PBRM1: variants seen among roughly 807,000 people sequenced by gnomAD.
PBRM1 encodes the protein protein polybromo-1.
In PBRM1, 27 loss-of-function variants were observed where a neutral mutation model predicts 194.5. That is an observed-to-expected ratio of 0.14 (90% CI 0.10 to 0.19). PBRM1 has a LOEUF of 0.19. PBRM1 is among the 10% of genes least tolerant of loss of function. The pLI is 1.00. For missense variants in PBRM1, 1,466 were observed against 2,077.2 expected (o/e 0.71, Z 5.72); for synonymous variants, 655 against 693.2 (o/e 0.94, Z 0.87).
At chr3:52,618,959 G>C (rs2095128864) in intron 13 of PBRM1, among the ~76,000 whole-genome samples, 1 of 152,196 alleles carries the variant, frequency 6.6e-6, no homozygotes, top group African/African-American at 2.4e-5. Context: ...ATGTTGGTCA[G>C]GCTAGTCTCG....
intron 17 of PBRM1, among the ~76,000 whole-genome samples, chr3:52,601,306 AT>A (rs2093976330): frequency 6.6e-6 from 1 of 152,186 alleles, no homozygotes; most frequent in Non-Finnish European, 1.5e-5. Flanking sequence ...TTCGTGGAAG[AT>A]AATTTTTCCA....
chr3:52,581,063 C>T (rs1230882907), intron 20 of PBRM1, among the ~76,000 whole-genome samples: 1 of 152,178 alleles, frequency 6.6e-6, no homozygotes, highest in African/African-American at 2.4e-5. Context: ...TGAGGAAACT[C>T]CAAAGCCTCC....
chr3:52,674,643 A>AATATAT (rs1189318541), intron 2 of PBRM1, among the ~76,000 whole-genome samples: 19 of 72,416 alleles, frequency 2.6e-4, no homozygotes, highest in East Asian at 8.6e-4. Context: ...AAAAAAAAAA[A>AATATAT]ATATATATAT....
chr3:52,660,670 G>A (rs1233310581), intron 4 of PBRM1, among the ~76,000 whole-genome samples: 1 of 151,626 alleles, frequency 6.6e-6, no homozygotes, highest in Admixed American at 6.6e-5. Context: ...CCACCACCAT[G>A]CCCAGCTAAT....
At chr3:52,617,096 A>C (rs1237211323) in intron 14 of PBRM1, among the ~76,000 whole-genome samples, 166 bp downstream of exon 16, 1 of 152,214 alleles carries the variant, frequency 6.6e-6, no homozygotes, top group South Asian at 2.1e-4. Flanking sequence ...TTATCTTTAT[A>C]ATGTACTGCC....
chr3:52,679,685 G>C, exon 1 of PBRM1: 1 of 1,613,566 alleles, frequency 6.2e-7, no homozygotes, highest in East Asian at 2.2e-5. Context: ...TGGAAGGGGA[G>C]GTAGCTCTTC....
chr3:52,580,684 A>C (rs1463767985), intron 20 of PBRM1, among the ~76,000 whole-genome samples: 2 of 152,168 alleles, frequency 1.3e-5, no homozygotes, highest in Non-Finnish European at 2.9e-5. Flanking sequence ...TTTTTTAATA[A>C]ATTACAGCAT....
intron 13 of PBRM1, among the ~76,000 whole-genome samples, chr3:52,626,126 A>G (rs1462792902): frequency 1.3e-5 from 2 of 152,200 alleles, no homozygotes; most frequent in Non-Finnish European, 2.9e-5. Context: ...ATGCTGCAGT[A>G]GAGTTACATA....
At chr3:52,673,644 C>T (rs1220144352) in intron 2 of PBRM1, among the ~76,000 whole-genome samples, 1 of 143,124 alleles carries the variant, frequency 7.0e-6, no homozygotes, top group African/African-American at 2.7e-5. Flanking sequence ...TGCACTCCAG[C>T]CTGGGCAACA....
rs1019370988 is a variant in PBRM1, at chr3:52,648,336, A to G, written c.813+8T>C. On this transcript the variant is annotated splice_region_variant and intron_variant, in intron 7 of 29. Transcript: ENST00000296302. ...GAAAACAACAACAACAACAACAACA[A>G]AACTAACCTTGAATACTTGAGAGCC... 6.5e-7 allele frequency: 1 copy of G among 1,540,160 alleles called. No homozygotes were observed. The highest frequency in any genetic ancestry group is 8.9e-7 in the Non-Finnish European group (1 of 1,122,114).
intron 6 of PBRM1, among the ~76,000 whole-genome samples, chr3:52,649,054 A>G (rs2096411244): frequency 6.6e-6 from 1 of 152,230 alleles, no homozygotes; most frequent in African/African-American, 2.4e-5. Context: ...AATGAAAAAG[A>G]CATGGTCTAG....
chr3:52,550,260 G>A (rs747549576), intron 29 of PBRM1, among the ~76,000 whole-genome samples, 161 bp downstream of exon 31: 7 of 152,130 alleles, frequency 4.6e-5, no homozygotes, highest in Non-Finnish European at 7.3e-5. Flanking sequence ...AGTGTGTTAC[G>A]TAAACATGCA....
chr3:52,622,503 A>G (rs2095315270), intron 13 of PBRM1, among the ~76,000 whole-genome samples: 1 of 152,228 alleles, frequency 6.6e-6, no homozygotes, highest in African/African-American at 2.4e-5. Context: ...TTTCCAATTC[A>G]TGCAAGTCAA....
intron 2 of PBRM1, among the ~76,000 whole-genome samples, chr3:52,671,955 A>G (rs2096957678): frequency 6.6e-6 from 1 of 152,158 alleles, no homozygotes; most frequent in African/African-American, 2.4e-5. Context: ...TAGTTAACTC[A>G]CAGCTTTCTA....
chr3:52,645,616 C>A (rs1168928144), intron 7 of PBRM1, among the ~76,000 whole-genome samples: 1 of 151,472 alleles, frequency 6.6e-6, no homozygotes, highest in Non-Finnish European at 1.5e-5. Context: ...TGTTTTGGGG[C>A]CATTATTAAG....
chr3:52,580,739 T>C (rs1041232309), intron 20 of PBRM1, among the ~76,000 whole-genome samples: 2 of 152,212 alleles, frequency 1.3e-5, no homozygotes, highest in African/African-American at 4.8e-5. Flanking sequence ...TTATTTGACC[T>C]CTTATGCCTT....
exon 29 of PBRM1, chr3:52,550,540 A>G (rs2080692655): frequency 3.2e-6 from 5 of 1,567,924 alleles, no homozygotes; most frequent in Non-Finnish European, 4.3e-6. Flanking sequence ...AGCTACAAAC[A>G]TGGGTGTTGT....
At chr3:52,631,565 G>T (rs1435148297) in intron 11 of PBRM1, among the ~76,000 whole-genome samples, 1 of 152,018 alleles carries the variant, frequency 6.6e-6, no homozygotes, top group African/African-American at 2.4e-5. Context: ...GTCTTACTCT[G>T]TTACCCAGGC....
intron 17 of PBRM1, among the ~76,000 whole-genome samples, chr3:52,600,257 T>A (rs2093896976): frequency 6.6e-6 from 1 of 152,220 alleles, no homozygotes; most frequent in South Asian, 2.1e-4. Flanking sequence ...TTTCACTAAA[T>A]AGGTTTTTCA....
Sources: gnomAD v4.1 joint callset for allele counts (sites outside exome capture counted in the v4.1 genomes callset) on GRCh38, gnomAD v4.1.1 for gene constraint, MANE v1.5 for transcripts, NCBI Gene and HGNC (gene_info 2026-07-23, HGNC 2026-07-21) for gene names.